THEMIS: variants seen among roughly 807,000 people sequenced by gnomAD.
THEMIS encodes the protein thymocyte selection associated.
THEMIS carries 37 observed loss-of-function variants against 52.6 expected under a neutral mutation model. That is an observed-to-expected ratio of 0.70 (90% CI 0.54 to 0.93). The LOEUF (loss-of-function observed/expected upper bound fraction) is 0.93. Ranked by LOEUF, THEMIS falls within the 40% of genes least tolerant of loss-of-function variation. THEMIS has a pLI of 0.00. For missense variants in THEMIS, 808 were observed against 763.1 expected, an observed-to-expected ratio of 1.06 and a Z score of -0.69; for synonymous variants, 292 against 272.7, an observed-to-expected ratio of 1.07 and a Z score of -0.70.
chr6:127,881,266 AC>A (rs1486356699), intron 1 of THEMIS, among the ~76,000 whole-genome samples: 1 of 152,030 alleles, frequency 6.6e-6, no homozygotes, highest in African/African-American at 2.4e-5. Flanking sequence ...TAAATAATTG[AC>A]CAATAATTTG....
At chr6:127,822,223 C>T (rs146072882) in intron 3 of THEMIS, among the ~76,000 whole-genome samples, 1 of 152,156 alleles carries the variant, frequency 6.6e-6, no homozygotes, top group African/African-American at 2.4e-5. Context: ...AATTTCTGAG[C>T]TCTGCCTTGT....
intron 4 of THEMIS, among the ~76,000 whole-genome samples, chr6:127,764,881 G>A (rs1458313404): frequency 6.6e-6 from 1 of 151,908 alleles, no homozygotes; most frequent in Non-Finnish European, 1.5e-5. Context: ...CCCAATTGCA[G>A]TAGGAGTTTA....
chr6:127,843,683 C>G (rs1299927709), intron 2 of THEMIS, among the ~76,000 whole-genome samples: 2 of 151,856 alleles, frequency 1.3e-5, no homozygotes, highest in Non-Finnish European at 2.9e-5. Context: ...GTTCAGTGCC[C>G]TCCCAGATTG....
At chr6:127,749,815 A>G (rs1434364634) in intron 4 of THEMIS, among the ~76,000 whole-genome samples, 3 of 151,490 alleles carry the variant, frequency 2.0e-5, no homozygotes, top group Admixed American at 6.6e-5. Context: ...AGAGCAAAAT[A>G]CATCCTAGAG....
chr6:127,768,859 C>A (rs1222827824), intron 4 of THEMIS, among the ~76,000 whole-genome samples: 2 of 152,160 alleles, frequency 1.3e-5, no homozygotes, highest in Admixed American at 6.5e-5. Context: ...AGGCTCTAAT[C>A]CTTTTGGCTT....
chr6:127,886,819 G>C (rs1780661102), intron 1 of THEMIS, among the ~76,000 whole-genome samples: 1 of 152,076 alleles, frequency 6.6e-6, no homozygotes, highest in Non-Finnish European at 1.5e-5. Context: ...CTATACTGCT[G>C]TTTTCCTTTG....
chr6:127,778,873 G>A (rs1776651888), intron 4 of THEMIS, among the ~76,000 whole-genome samples: 1 of 149,420 alleles, frequency 6.7e-6, no homozygotes, highest in Non-Finnish European at 1.5e-5. Context: ...AGGAATTGGA[G>A]AATAAAGAAA....
intron 2 of THEMIS, among the ~76,000 whole-genome samples, chr6:127,854,464 A>T (rs1300159737): frequency 6.6e-6 from 1 of 151,936 alleles, no homozygotes; most frequent in East Asian, 1.9e-4. Flanking sequence ...GGCCCAACAT[A>T]CTATGGGAAC....
chr6:127,810,286 G>A (rs757594614), intron 4 of THEMIS, among the ~76,000 whole-genome samples: 1 of 151,674 alleles, frequency 6.6e-6, no homozygotes, highest in African/African-American at 2.4e-5. Flanking sequence ...CTGCAATTCT[G>A]TATTGCTAGA....
chr6:127,882,253 C>T (rs1328319189), intron 1 of THEMIS, among the ~76,000 whole-genome samples: 3 of 151,734 alleles, frequency 2.0e-5, no homozygotes, highest in Admixed American at 1.3e-4. Flanking sequence ...AGATATTCAA[C>T]ATTTTATTAT....
At chr6:127,762,640 T>A (rs1284318681) in intron 4 of THEMIS, among the ~76,000 whole-genome samples, 1 of 152,056 alleles carries the variant, frequency 6.6e-6, no homozygotes, top group Non-Finnish European at 1.5e-5. Context: ...GTAGACATGA[T>A]TGTCTTGCTC....
chr6:127,819,832 G>C (rs1778273180), intron 3 of THEMIS, among the ~76,000 whole-genome samples: 1 of 152,280 alleles, frequency 6.6e-6, no homozygotes, highest in East Asian at 1.9e-4. Flanking sequence ...AGGAAACTCA[G>C]ATGTACACAC....
chr6:127,860,702 G>C (rs919714601), intron 1 of THEMIS, among the ~76,000 whole-genome samples: 11 of 151,998 alleles, frequency 7.2e-5, no homozygotes, highest in African/African-American at 2.4e-4. Flanking sequence ...AATAAAATCA[G>C]ATTAAATAAG....
At chr6:127,838,145 A>G (rs1778931918) in intron 2 of THEMIS, among the ~76,000 whole-genome samples, 1 of 152,096 alleles carries the variant, frequency 6.6e-6, no homozygotes, top group African/African-American at 2.4e-5. Context: ...CTGTACATGC[A>G]TAAGATGTAG....
chr6:127,703,996 A>G (rs1243904388), downstream of THEMIS, among the ~76,000 whole-genome samples: 1 of 152,152 alleles, frequency 6.6e-6, no homozygotes, highest in Non-Finnish European at 1.5e-5. Context: ...GGCAGGAGGG[A>G]GCAAGGACAC....
intron 4 of THEMIS, among the ~76,000 whole-genome samples, chr6:127,769,293 T>G (rs1292653992): frequency 6.6e-6 from 1 of 152,148 alleles, no homozygotes; most frequent in Non-Finnish European, 1.5e-5. Flanking sequence ...GGAGTTGCAT[T>G]AAACTTCTAA....
chr6:127,817,815 T>A (rs180860144), intron 3 of THEMIS, among the ~76,000 whole-genome samples: 15 of 152,230 alleles, frequency 9.9e-5, no homozygotes, highest in Admixed American at 9.8e-4. Flanking sequence ...GAGATAAAAC[T>A]CCTAGGGTTG....
intron 1 of THEMIS, among the ~76,000 whole-genome samples, chr6:127,884,418 A>T (rs34509171): frequency 0.13 from 19,641 of 152,118 alleles, 1,687 homozygotes; most frequent in East Asian, 0.38. Flanking sequence ...AAAGGCCTCA[A>T]ACTCATTGGA....
chr6:127,890,263 C>G (rs1780763646), intron 1 of THEMIS, among the ~76,000 whole-genome samples: 1 of 152,076 alleles, frequency 6.6e-6, no homozygotes, highest in Non-Finnish European at 1.5e-5. Flanking sequence ...TTTTCCAAAA[C>G]AGTATTCAGT....
Sources: gnomAD v4.1 joint callset for allele counts (sites outside exome capture counted in the v4.1 genomes callset) on GRCh38, gnomAD v4.1.1 for gene constraint, MANE v1.5 for transcripts, NCBI Gene and HGNC (gene_info 2026-07-23, HGNC 2026-07-21) for gene names.